Variants in PALLD observed in about 807,000 individuals in gnomAD.
PALLD encodes palladin.
PALLD carries 61 observed loss-of-function variants against 123.5 expected under a neutral mutation model. The ratio of observed to expected loss-of-function variants is 0.49; its 90% CI spans 0.40 to 0.61. The LOEUF (loss-of-function observed/expected upper bound fraction) is 0.61, where lower values mean the gene tolerates loss of function less well. Ranked by LOEUF, PALLD falls within the 20% of genes least tolerant of loss-of-function variation. PALLD has a pLI of 0.00. For missense variants in PALLD, 1,273 were observed against 1,377.0 expected, an observed-to-expected ratio of 0.92 and a Z score of 1.20; for synonymous variants, 465 against 496.4, an observed-to-expected ratio of 0.94 and a Z score of 0.84.
intron 10 of PALLD, among the ~76,000 whole-genome samples, chr4:168,747,419 T>C (rs1161498110): frequency 2.0e-5 from 3 of 152,218 alleles, no homozygotes; most frequent in African/African-American, 7.2e-5. Context: ...GCAAACAGGA[T>C]ATGTAGCCTA....
At chr4:168,524,651 A>C (rs1206152564) in intron 2 of PALLD, among the ~76,000 whole-genome samples, 3 of 152,188 alleles carry the variant, frequency 2.0e-5, no homozygotes, top group African/African-American at 7.2e-5. Context: ...ATCTGTCTCA[A>C]TGGAGTTTGG....
At chr4:168,698,125 A>G (rs1783321094) in intron 8 of PALLD, among the ~76,000 whole-genome samples, 2 of 152,220 alleles carry the variant, frequency 1.3e-5, no homozygotes. Flanking sequence ...ACACAGAAAG[A>G]CAAACATCAC....
intron 10 of PALLD, among the ~76,000 whole-genome samples, chr4:168,827,139 A>G (rs1743525155): frequency 6.6e-6 from 1 of 152,160 alleles, no homozygotes; most frequent in South Asian, 2.1e-4. Flanking sequence ...AAACAGTCCC[A>G]TTTCTTTTTT....
At chr4:168,650,001 C>T (rs950653477) in intron 2 of PALLD, among the ~76,000 whole-genome samples, 3 of 151,832 alleles carry the variant, frequency 2.0e-5, no homozygotes, top group African/African-American at 7.3e-5. Context: ...TGGTGAAACC[C>T]CATCTCTACT....
At chr4:168,631,949 G>T (rs1051411456) in intron 2 of PALLD, 32 of 976,158 alleles carry the variant, frequency 3.3e-5, no homozygotes, top group Non-Finnish European at 3.9e-5. Flanking sequence ...ATAAAGCTTT[G>T]CAGCCTTTCC....
At chr4:168,709,234 G>T (rs1038134692) in intron 9 of PALLD, 87 bp downstream of exon 9, 2 of 1,398,332 alleles carry the variant, frequency 1.4e-6, no homozygotes, top group Non-Finnish European at 2.0e-6. Flanking sequence ...TCCTGGCCAG[G>T]TGCAGTGGCT....
chr4:168,913,788 AAGGGTT>A, intron 15 of PALLD, 133 bp from the exon 16 acceptor site: 1 of 676,700 alleles, frequency 1.5e-6, no homozygotes, highest in African/African-American at 1.8e-5. Context: ...TTTTTCTGAA[AAGGGTT>A]AGTCATTACT....
At chr4:168,772,676 CTG>C (rs2150507736) in intron 10 of PALLD, among the ~76,000 whole-genome samples, 1 of 152,294 alleles carries the variant, frequency 6.6e-6, no homozygotes, top group African/African-American at 2.4e-5. Flanking sequence ...GTGCCTGACA[CTG>C]TAGTGGAGGC....
intron 15 of PALLD, among the ~76,000 whole-genome samples, chr4:168,907,849 A>AG (rs1279759240): frequency 2.0e-5 from 3 of 152,154 alleles, no homozygotes; most frequent in Non-Finnish European, 4.4e-5. Flanking sequence ...AGAAAAAAAA[A>AG]AGATTCAAAG....
intron 10 of PALLD, among the ~76,000 whole-genome samples, chr4:168,856,514 T>G (rs974779625): frequency 4.6e-5 from 7 of 152,236 alleles, no homozygotes; most frequent in Admixed American, 2.0e-4. Context: ...CAGCTGTTGT[T>G]TTGACGTTGT....
chr4:168,554,293 T>A (rs1767046999), intron 2 of PALLD, among the ~76,000 whole-genome samples: 1 of 152,242 alleles, frequency 6.6e-6, no homozygotes, highest in African/African-American at 2.4e-5. Flanking sequence ...GAACTCCTTA[T>A]TGGCAAGGAA....
chr4:168,690,403 G>A (rs1285024442), intron 6 of PALLD, among the ~76,000 whole-genome samples, 200 bp from the exon 7 acceptor site: 1 of 152,230 alleles, frequency 6.6e-6, no homozygotes, highest in Admixed American at 6.5e-5. Context: ...GACTTGGAGA[G>A]GGTGAAAAGC....
intron 1 of PALLD, among the ~76,000 whole-genome samples, chr4:168,511,092 A>T (rs1408225080): frequency 1.3e-5 from 2 of 149,892 alleles, no homozygotes; most frequent in Non-Finnish European, 3.0e-5. Flanking sequence ...TCAATATTCT[A>T]TTGATCTCAT....
intron 2 of PALLD, among the ~76,000 whole-genome samples, chr4:168,656,358 A>G (rs865996905): frequency 6.6e-6 from 1 of 150,846 alleles, no homozygotes; most frequent in African/African-American, 2.4e-5. Context: ...TTGTACTTGC[A>G]TAGGGAATTG....
chr4:168,535,112 G>A (rs989818095), intron 2 of PALLD, among the ~76,000 whole-genome samples: 1 of 152,148 alleles, frequency 6.6e-6, no homozygotes, highest in African/African-American at 2.4e-5. Flanking sequence ...TGGAGGATGT[G>A]CATAGGTTTT....
At chr4:168,794,526 A>ACACG (rs1246936487) in intron 10 of PALLD, among the ~76,000 whole-genome samples, 14 of 147,746 alleles carry the variant, frequency 9.5e-5, no homozygotes, top group Admixed American at 8.1e-4. Flanking sequence ...ACACACACAC[A>ACACG]CACACACACA....
intron 2 of PALLD, among the ~76,000 whole-genome samples, chr4:168,529,436 G>T (rs897744265): frequency 2.6e-5 from 4 of 152,150 alleles, no homozygotes; most frequent in Admixed American, 1.3e-4. Context: ...AGGGAGCCAG[G>T]CGAAGGGGGA....
chr4:168,926,527 A>C lies in PALLD; in HGVS notation c.*347A>C. On this transcript the variant is annotated 3_prime_UTR_variant, in exon 22 of 22. Coordinates refer to ENST00000505667, the MANE Select transcript of PALLD (RefSeq NM_001166108.2). ...AAAACACCAAAATAATATTTTTCTT[A>C]CTTGATATACCAAACTTAGTTTAAG... 1.6e-6 allele frequency: 1 copy of C among 615,376 alleles called. No individual in the cohort carries two copies. The highest frequency in any genetic ancestry group is 3.1e-5 in the Admixed American group (1 of 32,040). The allele number at this position is 615,376 out of a possible 1,614,324, so 38.1% of individuals were successfully genotyped here.
chr4:168,910,524 GC>G (rs1408724933), intron 15 of PALLD, among the ~76,000 whole-genome samples: 12 of 152,086 alleles, frequency 7.9e-5, no homozygotes, highest in African/African-American at 2.9e-4. Flanking sequence ...TCTAAAGGAT[GC>G]CTCAAAACTG....
Sources: gnomAD v4.1 joint callset for allele counts (sites outside exome capture counted in the v4.1 genomes callset) on GRCh38, gnomAD v4.1.1 for gene constraint, MANE v1.5 for transcripts, NCBI Gene and HGNC (gene_info 2026-07-23, HGNC 2026-07-21) for gene names.